Variants in RMST observed in about 807,000 individuals in gnomAD.
RMST encodes long intergenic non-protein coding RNA 54.
At position 97,551,174 on chromosome 12, in the gene RMST, A is replaced by ATT. The variant is rs1166411826; in HGVS notation, n.1546-9363_1546-9362insTT. On this transcript the variant is annotated intron_variant and non_coding_transcript_variant, in intron 11 of 13. Coordinates refer to ENST00000640149, the Ensembl canonical transcript of RMST. The stretch of plus-strand genomic sequence containing the variant: ...GGCATTCATGGTTCATTGTTTTTAA[A>ATT]AAAAAAAAAAAAAAAAGACCAAGTT... Among the ~76,000 whole-genome samples, 231 of 149,426 alleles carry ATT rather than the reference A, an allele frequency of 1.5e-3. 1 individual carries two copies. Among genetic ancestry groups the ATT allele is most frequent in the Middle Eastern group, 0.014 (4 of 288 alleles).
chr12:97,523,814 A>G (rs1476166653), intron 10 of RMST, among the ~76,000 whole-genome samples: 2 of 152,130 alleles, frequency 1.3e-5, no homozygotes, highest in Admixed American at 1.3e-4. Flanking sequence ...GCAGTGGCTC[A>G]TGCCTGCAAT....
At chr12:97,529,649 C>G (rs1360562718) in intron 10 of RMST, among the ~76,000 whole-genome samples, 2 of 152,052 alleles carry the variant, frequency 1.3e-5, no homozygotes, top group Non-Finnish European at 2.9e-5. Flanking sequence ...AAAATTGCAT[C>G]AAGATAACGG....
chr12:97,497,871 A>G (rs1393703534), intron 10 of RMST, among the ~76,000 whole-genome samples: 1 of 152,140 alleles, frequency 6.6e-6, no homozygotes, highest in Non-Finnish European at 1.5e-5. Flanking sequence ...TGCTATGTTA[A>G]TAAGTTTACA....
intron 10 of RMST, among the ~76,000 whole-genome samples, chr12:97,508,273 T>C (rs977523173): frequency 2.6e-5 from 4 of 152,184 alleles, no homozygotes; most frequent in Admixed American, 6.5e-5. Context: ...GGGAAAGATG[T>C]TTATAATGAA....
At chr12:97,523,646 T>C (rs1419566856) in intron 10 of RMST, among the ~76,000 whole-genome samples, 1 of 152,204 alleles carries the variant, frequency 6.6e-6, no homozygotes, top group East Asian at 1.9e-4. Flanking sequence ...TTTTTTTTCT[T>C]GCCTCTGTAT....
At chr12:97,545,220 C>T (rs1215162736) in intron 11 of RMST, among the ~76,000 whole-genome samples, 1 of 152,098 alleles carries the variant, frequency 6.6e-6, no homozygotes, top group Non-Finnish European at 1.5e-5. Flanking sequence ...TCATCACCAT[C>T]ATCATCACCA....
intron 5 of RMST, among the ~76,000 whole-genome samples, chr12:97,475,172 G>C (rs541473528): frequency 6.6e-6 from 1 of 152,092 alleles, no homozygotes; most frequent in East Asian, 1.9e-4. Context: ...CTTCTCAGGT[G>C]CATGTTTACT....
intron 10 of RMST, among the ~76,000 whole-genome samples, chr12:97,497,328 G>C (rs1034775960): frequency 6.6e-6 from 1 of 152,178 alleles, no homozygotes; most frequent in Non-Finnish European, 1.5e-5. Context: ...TCTGTAGCCA[G>C]TTTGGCCTCA....
intron 10 of RMST, among the ~76,000 whole-genome samples, chr12:97,512,638 G>A (rs1253469082): frequency 6.6e-6 from 1 of 152,222 alleles, no homozygotes; most frequent in African/African-American, 2.4e-5. Flanking sequence ...TAGATACAGA[G>A]TGCCCATTGG....
At chr12:97,496,815 G>T (rs768756995) in intron 10 of RMST, among the ~76,000 whole-genome samples, 3 of 152,286 alleles carry the variant, frequency 2.0e-5, no homozygotes, top group Admixed American at 6.5e-5. Context: ...ATGAAATTGG[G>T]ATGAATATTA....
chr12:97,475,477 C>T (rs906687669), intron 5 of RMST, among the ~76,000 whole-genome samples: 1 of 152,086 alleles, frequency 6.6e-6, no homozygotes, highest in African/African-American at 2.4e-5. Flanking sequence ...AATTCCAGAC[C>T]TACTACGACC....
chr12:97,495,401 T>C (rs1414446367), intron 9 of RMST, among the ~76,000 whole-genome samples: 1 of 152,062 alleles, frequency 6.6e-6, no homozygotes, highest in Non-Finnish European at 1.5e-5. Flanking sequence ...AAAAAAGCAA[T>C]GGCGAGATGA....
intron 11 of RMST, among the ~76,000 whole-genome samples, chr12:97,555,444 C>T (rs540826519): frequency 3.9e-5 from 6 of 152,248 alleles, no homozygotes; most frequent in South Asian, 2.1e-4. Flanking sequence ...ACATCATCTA[C>T]GTTTCATGTG....
At chr12:97,557,406 C>T (rs577278018) in intron 11 of RMST, among the ~76,000 whole-genome samples, 20 of 152,174 alleles carry the variant, frequency 1.3e-4, no homozygotes, top group African/African-American at 2.4e-4. Flanking sequence ...CACTTAAAAT[C>T]GGGATTGGAA....
chr12:97,504,634 A>C (rs368161901), intron 10 of RMST, among the ~76,000 whole-genome samples: 1 of 152,172 alleles, frequency 6.6e-6, no homozygotes, highest in Non-Finnish European at 1.5e-5. Flanking sequence ...TGTATTACCA[A>C]TAAAGAGGGA....
chr12:97,504,318 C>A (rs1224725707), intron 10 of RMST, among the ~76,000 whole-genome samples: 1 of 149,948 alleles, frequency 6.7e-6, no homozygotes, highest in African/African-American at 2.5e-5. Flanking sequence ...GCAGGAAAAT[C>A]GCTTAAACCT....
chr12:97,562,040 C>T (rs1055280351), intron 13 of RMST, among the ~76,000 whole-genome samples: 2 of 152,088 alleles, frequency 1.3e-5, no homozygotes, highest in African/African-American at 4.8e-5. Context: ...AGAGGAAGAA[C>T]AGCAACAAAA....
chr12:97,541,228 T>G (rs1882496583), intron 11 of RMST: 1 of 151,654 alleles, frequency 6.6e-6, no homozygotes, highest in South Asian at 2.1e-4. Context: ...ACAAGTAATA[T>G]TGCATTCATT....
intron 10 of RMST, among the ~76,000 whole-genome samples, chr12:97,506,804 C>T (rs1797854491): frequency 6.6e-6 from 1 of 151,524 alleles, no homozygotes; most frequent in African/African-American, 2.4e-5. Flanking sequence ...CTGCCTCAGC[C>T]TCCTGAGTAG....
Sources: allele counts gnomAD v4.1 joint callset (sites outside exome capture counted in the v4.1 genomes callset), GRCh38; gene constraint gnomAD v4.1.1; transcripts MANE v1.5; gene names NCBI Gene and HGNC (gene_info 2026-07-23, HGNC 2026-07-21).